Variants in TMPRSS13 observed in about 807,000 individuals in gnomAD.
The protein encoded by TMPRSS13 is transmembrane serine protease 13.
TMPRSS13 carries 50 observed loss-of-function variants against 68.4 expected under a neutral mutation model. The observed-to-expected ratio is 0.73, with a 90% CI of 0.58 to 0.93. The LOEUF (loss-of-function observed/expected upper bound fraction) is 0.93, where lower values mean the gene tolerates loss of function less well. Among genes scored for constraint, TMPRSS13 ranks in the 40% least tolerant of loss-of-function variants. The pLI, the probability that TMPRSS13 is intolerant of heterozygous loss-of-function variation, is 0.00. For synonymous variants in TMPRSS13, 267 were observed against 285.8 expected (o/e 0.93, Z 0.66); for missense variants, 615 against 729.2 (o/e 0.84, Z 1.80).
At chr11:117,908,879 G>A (rs922810875) in intron 8 of TMPRSS13, 95 bp from the exon 9 acceptor site, 11 of 1,280,398 alleles carry the variant, frequency 8.6e-6, no homozygotes, top group Non-Finnish European at 1.2e-5. Flanking sequence ...CAGAGCACCA[G>A]CTTGGAGGCA....
chr11:117,907,942 T>C (rs1389525815), intron 9 of TMPRSS13: 7 of 986,794 alleles, frequency 7.1e-6, no homozygotes, highest in Non-Finnish European at 8.4e-6. Flanking sequence ...ACGTCCCCTG[T>C]CCACAGTGAT....
At position 117,902,031 on chromosome 11, in the gene TMPRSS13, TG is replaced by T. The variant is rs2057413679; in HGVS notation, c.*207del. ...TTTTGAGAAGAGTTGACAGCTCTGC[TG>T]GTTTCTGAAAAACTTGGGAGAGTGG... On this transcript the variant is annotated 3_prime_UTR_variant, in exon 13 of 13. Transcript: ENST00000524993. The T allele has an allele frequency of 4.8e-6, 3 of 622,276 alleles. No homozygotes were observed. The highest frequency in any genetic ancestry group is 8.6e-6 in the Non-Finnish European group (3 of 349,642). 38.5% of individuals were successfully genotyped at this position (622,276 alleles called of 1,614,324 possible). A position where few individuals can be genotyped will look rare whatever the true frequency, so the allele number is the denominator to read the frequency against.
chr11:117,901,428 C>T lies in TMPRSS13; in HGVS notation c.*811G>A, dbSNP rs2057409924. The T allele has an allele frequency of 6.6e-6, 1 of 152,584 alleles. No homozygotes were observed. The highest frequency in any genetic ancestry group is 2.4e-5 in the African/African-American group (1 of 41,430). 9.5% of individuals were successfully genotyped at this position (152,584 alleles called of 1,614,324 possible). A position where few individuals can be genotyped will look rare whatever the true frequency, so the allele number is the denominator to read the frequency against. ...TTTGTCCAGTCTCTTCATCCAGTTC[C>T]TTGAGGCCAGAAATATTCTGTAGGA... On this transcript the variant is annotated 3_prime_UTR_variant, in exon 13 of 13. Coordinates refer to ENST00000524993, the MANE Select transcript of TMPRSS13 (RefSeq NM_001077263.3).
At chr11:117,923,740 C>T (rs905545541) in intron 1 of TMPRSS13, among the ~76,000 whole-genome samples, 4 of 147,730 alleles carry the variant, frequency 2.7e-5, no homozygotes, top group Non-Finnish European at 4.4e-5. Flanking sequence ...ATGTAAAGGA[C>T]GAGTTAATGG....
intron 3 of TMPRSS13, among the ~76,000 whole-genome samples, chr11:117,916,761 C>G (rs1039344160): frequency 2.6e-5 from 4 of 152,104 alleles, no homozygotes; most frequent in African/African-American, 7.2e-5. Flanking sequence ...AGATTTTGTT[C>G]CAGGAATTGT....
At chr11:117,921,620 A>AG (rs2057649516) in intron 1 of TMPRSS13, among the ~76,000 whole-genome samples, 1 of 152,178 alleles carries the variant, frequency 6.6e-6, no homozygotes, top group African/African-American at 2.4e-5. Flanking sequence ...ACTGGTGGGG[A>AG]GGGGGCATTG....
intron 1 of TMPRSS13, among the ~76,000 whole-genome samples, chr11:117,919,628 G>A (rs1242107574): frequency 2.6e-5 from 4 of 152,220 alleles, no homozygotes; most frequent in South Asian, 2.1e-4. Flanking sequence ...CCCATAAGCC[G>A]GGACAATAAA....
At chr11:117,908,026 T>C (rs1373293099) in intron 9 of TMPRSS13, 1 of 995,964 alleles carries the variant, frequency 1.0e-6, no homozygotes, top group Non-Finnish European at 1.2e-6. Flanking sequence ...TAGCAATTAG[T>C]TGTTTGAATG....
At chr11:117,918,896 G>A (rs988648836) in intron 1 of TMPRSS13, 58 bp from the exon 2 acceptor site, 5 of 1,599,610 alleles carry the variant, frequency 3.1e-6, no homozygotes, top group Non-Finnish European at 4.2e-6. Flanking sequence ...CACCCCAGCT[G>A]TCAGCTGTGC....
intron 7 of TMPRSS13, among the ~76,000 whole-genome samples, chr11:117,910,207 G>A (rs2057507999): frequency 6.6e-6 from 1 of 152,162 alleles, no homozygotes; most frequent in Non-Finnish European, 1.5e-5. Flanking sequence ...TCCGCGGAAA[G>A]TTTGACCCCA....
At chr11:117,917,145 C>T (rs763827168) in intron 3 of TMPRSS13, 25 bp downstream of exon 3, 2 of 1,597,128 alleles carry the variant, frequency 1.3e-6, no homozygotes, top group East Asian at 2.2e-5. Context: ...CCAGAACCCA[C>T]CCCTGCACCC....
At chr11:117,911,955 G>A in intron 5 of TMPRSS13, 95 bp from the exon 6 acceptor site, 1 of 971,576 alleles carries the variant, frequency 1.0e-6, no homozygotes. Context: ...CCTGCCGACA[G>A]AGGCCAGACT....
chr11:117,902,373 G>T, intron 12 of TMPRSS13, 108 bp from the exon 13 acceptor site: 3 of 1,192,668 alleles, frequency 2.5e-6, no homozygotes, highest in African/African-American at 1.5e-5. Flanking sequence ...CTGTCACCTA[G>T]CACTGCCTCT....
intron 1 of TMPRSS13, among the ~76,000 whole-genome samples, chr11:117,919,452 T>C (rs1284693094): frequency 6.6e-6 from 1 of 152,218 alleles, no homozygotes; most frequent in African/African-American, 2.4e-5. Flanking sequence ...GGTCTTTCCA[T>C]AACATGGACA....
chr11:117,927,979 G>A (rs539583545), intron 1 of TMPRSS13, among the ~76,000 whole-genome samples: 9 of 152,346 alleles, frequency 5.9e-5, no homozygotes, highest in Admixed American at 1.3e-4. Context: ...TGACTCTGAA[G>A]AGATGAGCTT....
chr11:117,920,800 G>A (rs1386502728), intron 1 of TMPRSS13, among the ~76,000 whole-genome samples: 2 of 152,168 alleles, frequency 1.3e-5, no homozygotes, highest in Non-Finnish European at 2.9e-5. Context: ...AGCCGATAGT[G>A]GGGTTTTGTT....
rs774305202 is a variant in TMPRSS13 at position 117,917,121 on chromosome 11, C to T, written c.556+49G>A. On this transcript the variant is annotated intron_variant, in intron 3 of 12. Transcript: ENST00000524993. ...CCTGCCCCCATCCCTGGGTCCCACT[C>T]TGCCCAGCAGTGCCCAGAACCCACC... 1.4e-5 allele frequency: 21 copies of T among 1,511,076 alleles called. No homozygotes were observed. The Admixed American group carries it at 3.3e-4, about 23-fold the overall frequency. The allele number at this position is 1,511,076 out of a possible 1,614,324, so 93.6% of individuals were successfully genotyped here. A position where few individuals can be genotyped will look rare whatever the true frequency, so the allele number is the denominator to read the frequency against.
At chr11:117,925,713 C>T (rs1285861466) in intron 1 of TMPRSS13, among the ~76,000 whole-genome samples, 2 of 152,250 alleles carry the variant, frequency 1.3e-5, no homozygotes, top group African/African-American at 4.8e-5. Context: ...ACCACCAGTG[C>T]CCTGCCCACT....
chr11:117,901,999 C>G lies in TMPRSS13; in HGVS notation c.*240G>C, dbSNP rs1234659078. The G allele has an allele frequency of 1.7e-6, 1 of 588,664 alleles. No homozygotes were observed. The highest frequency in any genetic ancestry group is 2.9e-5 in the East Asian group (1 of 34,484). 36.5% of individuals were successfully genotyped at this position (588,664 alleles called of 1,614,324 possible). A position where few individuals can be genotyped will look rare whatever the true frequency, so the allele number is the denominator to read the frequency against. On this transcript the variant is annotated 3_prime_UTR_variant, in exon 13 of 13. Transcript: ENST00000524993. ...ACTCTTGTCTCCAGGTAATTTCCAGCCTGGGATTTTGAGAAGAGTTGACAG... is the reference window on the plus strand; with the variant it reads ...ACTCTTGTCTCCAGGTAATTTCCAGGCTGGGATTTTGAGAAGAGTTGACAG...
Sources: gnomAD v4.1 joint callset for allele counts (sites outside exome capture counted in the v4.1 genomes callset) on GRCh38, gnomAD v4.1.1 for gene constraint, MANE v1.5 for transcripts, NCBI Gene and HGNC (gene_info 2026-07-23, HGNC 2026-07-21) for gene names.